Variants in AGBL4 observed in about 807,000 individuals in gnomAD.
AGBL4 encodes AGBL carboxypeptidase 4, also known as cytosolic carboxypeptidase 6.
A neutral mutation model predicts 66.4 loss-of-function variants in AGBL4; 58 were observed. The ratio of observed to expected loss-of-function variants is 0.87; its 90% CI spans 0.71 to 1.09. The LOEUF is 1.09. Ranked by LOEUF, AGBL4 falls within the 50% of genes least tolerant of loss-of-function variation. The pLI is 0.00. For synonymous variants in AGBL4, 234 were observed against 222.9 expected, an observed-to-expected ratio of 1.05 and a Z score of -0.44; for missense variants, 579 against 631.0, an observed-to-expected ratio of 0.92 and a Z score of 0.88.
chr1:49,541,943 G>A (rs1048706082), intron 3 of AGBL4, among the ~76,000 whole-genome samples: 2 of 151,736 alleles, frequency 1.3e-5, no homozygotes, highest in Non-Finnish European at 2.9e-5. Context: ...TCTAGCTAAG[G>A]GATTGTAAAT....
In AGBL4 at chr1:49,843,857, G is replaced by A. The variant is rs187307249; in HGVS notation, c.157+7539C>T. Among the ~76,000 whole-genome samples, 226 of 152,266 alleles carry A rather than the reference G, an allele frequency of 1.5e-3. 2 individuals are homozygous for A. The highest frequency in any genetic ancestry group is 5.2e-3 in the African/African-American group (217 of 41,560). On this transcript the variant is annotated intron_variant, in intron 2 of 13. Coordinates refer to ENST00000371839, the MANE Select transcript of AGBL4 (RefSeq NM_032785.4). ...CTAGGCCACTGTGGGGTCAGGGTAG[G>A]GGCAGCATGCACCCAGGTCATGGCT...
intron 3 of AGBL4, among the ~76,000 whole-genome samples, chr1:49,674,181 T>C (rs1051430271): frequency 3.3e-5 from 5 of 152,126 alleles, no homozygotes; most frequent in Non-Finnish European, 7.4e-5. Flanking sequence ...TTTAGAACTC[T>C]ATTTGAAATC....
intron 5 of AGBL4, among the ~76,000 whole-genome samples, chr1:49,022,142 G>C (rs967742434): frequency 1.3e-5 from 2 of 152,108 alleles, no homozygotes; most frequent in Admixed American, 1.3e-4. Context: ...CTTTAATGTA[G>C]GAAAGATACT....
intron 2 of AGBL4, among the ~76,000 whole-genome samples, chr1:49,826,229 A>T (rs534108323): frequency 1.4e-4 from 21 of 152,110 alleles, no homozygotes; most frequent in African/African-American, 3.6e-4. Flanking sequence ...GAAGTTTTTT[A>T]AAAAAAACAA....
intron 5 of AGBL4, among the ~76,000 whole-genome samples, chr1:49,006,821 C>G (rs1205580296): frequency 3.7e-3 from 561 of 150,974 alleles, no homozygotes; most frequent in Admixed American, 9.5e-3. Flanking sequence ...AGGGTCCTGT[C>G]TGTTAGAAGG....
At chr1:49,787,110 C>T (rs1193785295) in intron 2 of AGBL4, among the ~76,000 whole-genome samples, 2 of 152,096 alleles carry the variant, frequency 1.3e-5, no homozygotes, top group Non-Finnish European at 2.9e-5. Context: ...CTGCATATAG[C>T]GACATTTTAA....
At chr1:49,151,691 T>G (rs940998615) in intron 4 of AGBL4, among the ~76,000 whole-genome samples, 1 of 151,994 alleles carries the variant, frequency 6.6e-6, no homozygotes, top group Non-Finnish European at 1.5e-5. Context: ...TATAATCAAA[T>G]AACTTCAGGA....
At chr1:49,229,499 G>A (rs1425921188) in intron 4 of AGBL4, among the ~76,000 whole-genome samples, 1 of 152,166 alleles carries the variant, frequency 6.6e-6, no homozygotes, top group East Asian at 1.9e-4. Context: ...TAAGAACCAC[G>A]CAGGTTCTCG....
In AGBL4 at chr1:49,790,348, AGTGAGATTCT is replaced by A. The variant is rs1644565435; in HGVS notation, c.157+61038_157+61047del. Reference sequence around the variant, plus strand: ...GACTGCATTCCAGCCTGGGTGACAGAGTGAGATTCTATCTCAAAAAAAAAAAAAAAAAAAG... The same window carrying A: ...GACTGCATTCCAGCCTGGGTGACAGAATCTCAAAAAAAAAAAAAAAAAAAG... On this transcript the variant is annotated intron_variant, in intron 2 of 13. Coordinates refer to ENST00000371839, the MANE Select transcript of AGBL4 (RefSeq NM_032785.4). 1.2e-4 allele frequency among the ~76,000 whole-genome samples: 17 copies of A among 140,302 alleles called. No individual in the cohort carries two copies. The South Asian group carries it at 4.1e-3, about 34-fold the overall frequency. 92.0% of individuals were successfully genotyped at this position (140,302 alleles called of 152,430 possible). A position where few individuals can be genotyped will look rare whatever the true frequency, so the allele number is the denominator to read the frequency against.
chr1:49,807,763 CTAA>C (rs1232645217), intron 2 of AGBL4, among the ~76,000 whole-genome samples: 1 of 152,144 alleles, frequency 6.6e-6, no homozygotes, highest in African/African-American at 2.4e-5. Flanking sequence ...ATGTTGAGAC[CTAA>C]TCACTAATTT....
At chr1:49,478,085 A>G (rs192719496) in intron 3 of AGBL4, among the ~76,000 whole-genome samples, 424 of 152,040 alleles carry the variant, frequency 2.8e-3, no homozygotes, top group African/African-American at 9.7e-3. Context: ...AAATATCTTT[A>G]AAAGAGCAAA....
intron 6 of AGBL4, among the ~76,000 whole-genome samples, chr1:48,719,801 A>T (rs1483549479): frequency 6.6e-6 from 1 of 152,232 alleles, no homozygotes; most frequent in East Asian, 1.9e-4. Flanking sequence ...ATGGAAGAGG[A>T]AACTGAGTCC....
chr1:49,816,305 A>T (rs1362649219), intron 2 of AGBL4, among the ~76,000 whole-genome samples: 1 of 152,214 alleles, frequency 6.6e-6, no homozygotes, highest in East Asian at 1.9e-4. Flanking sequence ...GGCCCCAGCA[A>T]GATAGCCAGA....
intron 6 of AGBL4, among the ~76,000 whole-genome samples, chr1:48,843,887 G>A (rs1309112457): frequency 2.0e-5 from 3 of 152,070 alleles, no homozygotes; most frequent in Non-Finnish European, 4.4e-5. Flanking sequence ...GGGTCAAACT[G>A]AGCCTCAGAG....
At chr1:49,326,216 T>C (rs1645225930) in intron 3 of AGBL4, among the ~76,000 whole-genome samples, 1 of 152,206 alleles carries the variant, frequency 6.6e-6, no homozygotes, top group Non-Finnish European at 1.5e-5. Context: ...TTTACTTTCA[T>C]TTTTGAAGGA....
At chr1:49,924,924 G>T (rs185436997) in intron 1 of AGBL4, among the ~76,000 whole-genome samples, 1 of 152,250 alleles carries the variant, frequency 6.6e-6, no homozygotes. Context: ...AAAGTACTCT[G>T]GGGTCCTAAA....
At chr1:49,492,789 G>C (rs1354230993) in intron 3 of AGBL4, among the ~76,000 whole-genome samples, 2 of 151,910 alleles carry the variant, frequency 1.3e-5, no homozygotes, top group African/African-American at 4.8e-5. Flanking sequence ...CTGGTGTCAT[G>C]GAAGGTTAGA....
At chr1:49,040,239 A>C (rs903103756) in intron 5 of AGBL4, among the ~76,000 whole-genome samples, 3 of 152,074 alleles carry the variant, frequency 2.0e-5, no homozygotes, top group South Asian at 4.1e-4. Context: ...CAATATAATT[A>C]GTCATAAGGG....
intron 3 of AGBL4, among the ~76,000 whole-genome samples, chr1:49,351,257 A>G (rs1643902087): frequency 2.6e-5 from 4 of 152,134 alleles, no homozygotes; most frequent in African/African-American, 9.7e-5. Context: ...TGACTTTAGT[A>G]ACTTAGAACC....
Sources: gnomAD v4.1 joint callset for allele counts (sites outside exome capture counted in the v4.1 genomes callset) on GRCh38, gnomAD v4.1.1 for gene constraint, MANE v1.5 for transcripts, NCBI Gene and HGNC (gene_info 2026-07-23, HGNC 2026-07-21) for gene names.